Variants in NECAB1 observed in about 807,000 individuals in gnomAD.
NECAB1 encodes the protein N-terminal EF-hand calcium binding protein 1.
NECAB1 carries 29 observed loss-of-function variants against 57.5 expected under a neutral mutation model. The ratio of observed to expected loss-of-function variants is 0.50; its 90% confidence interval spans 0.38 to 0.69. The LOEUF is 0.69. Among genes scored for constraint, NECAB1 ranks in the 30% least tolerant of loss-of-function variants. The probability of loss-of-function intolerance (pLI) is 0.00; values close to 1 mark genes in which losing one functional copy is unlikely to be tolerated. For synonymous variants in NECAB1, 142 were observed against 147.7 expected (o/e 0.96, Z 0.28); for missense variants, 372 against 413.8 (o/e 0.90, Z 0.88).
rs796070539 is a variant in NECAB1 at position 90,930,566 on chromosome 8, G to GA, written c.693+2267_693+2268insA. On this transcript the variant is annotated intron_variant, in intron 8 of 12. Transcript: ENST00000417640. ...ACAAAGATGAACCCTCATGTCGTGA[G>GA]GATGGGTAAGGTCTCTGAAAAGGAG... Among the ~76,000 whole-genome samples the GA allele has an allele frequency of 2.0e-5, 3 of 152,168 alleles. No individual in the cohort carries two copies. The South Asian group carries it at 6.2e-4, about 32-fold the overall frequency.
intron 3 of NECAB1, among the ~76,000 whole-genome samples, chr8:90,849,333 G>A (rs2129770307): frequency 6.6e-6 from 1 of 151,918 alleles, no homozygotes; most frequent in African/African-American, 2.4e-5. Context: ...GGTGAGTGCG[G>A]CAATGGGTGC....
chr8:90,819,555 G>A (rs1487150430), intron 2 of NECAB1, among the ~76,000 whole-genome samples: 1 of 151,882 alleles, frequency 6.6e-6, no homozygotes, highest in Non-Finnish European at 1.5e-5. Context: ...GTTTCCCTAA[G>A]TATTCCCCCT....
intron 5 of NECAB1, among the ~76,000 whole-genome samples, chr8:90,882,584 G>C (rs4735428): frequency 0.49 from 74,532 of 151,894 alleles, 23,093 homozygotes; most frequent in African/African-American, 0.85. Context: ...CTAGCTTCTT[G>C]TTGCTCTTCA....
intron 3 of NECAB1, among the ~76,000 whole-genome samples, chr8:90,866,208 GA>G: frequency 6.6e-6 from 1 of 152,268 alleles, no homozygotes; most frequent in South Asian, 2.1e-4. Context: ...TTATCTTTAT[GA>G]ATTGAGAGAT....
chr8:90,929,464 A>G (rs1404302599), intron 8 of NECAB1, among the ~76,000 whole-genome samples: 1 of 152,188 alleles, frequency 6.6e-6, no homozygotes, highest in Non-Finnish European at 1.5e-5. Flanking sequence ...AGATAACCCT[A>G]CAGATCTAAA....
intron 5 of NECAB1, among the ~76,000 whole-genome samples, chr8:90,902,495 AC>A (rs1157032067): frequency 2.0e-5 from 3 of 152,200 alleles, no homozygotes; most frequent in Admixed American, 6.5e-5. Context: ...CGTTGTACTT[AC>A]TAATGCAAAG....
At chr8:90,880,818 A>C (rs1207951398) in intron 4 of NECAB1, among the ~76,000 whole-genome samples, 1 of 152,182 alleles carries the variant, frequency 6.6e-6, no homozygotes, top group African/African-American at 2.4e-5. Flanking sequence ...TTCAAGGATA[A>C]TGGTAATCAT....
Position 90,901,903 on chromosome 8 carries a change from G to T in NECAB1, c.358-15589G>T, listed in dbSNP as rs184634474. ...CCTCGTTTGCACTCTCTGTATTTGT[G>T]TGTGTGTGTGTGTGTGTGTTAATGT... On this transcript the variant is annotated intron_variant, in intron 5 of 12. Transcript: ENST00000417640. Among the ~76,000 whole-genome samples the T allele has an allele frequency of 8.9e-3, 1,349 of 152,086 alleles. 11 individuals are homozygous for T. Among genetic ancestry groups the T allele is most frequent in the Middle Eastern group, 0.017 (5 of 294 alleles).
At position 90,958,980 on chromosome 8, in the gene NECAB1, A is replaced by C; in HGVS notation, c.*3468A>C. 2 of 1,389,984 alleles carry C rather than the reference A, an allele frequency of 1.4e-6. No individual in the cohort carries two copies. The highest frequency in any genetic ancestry group is 1.9e-6 in the Non-Finnish European group (2 of 1,032,848). 86.1% of individuals were successfully genotyped at this position (1,389,984 alleles called of 1,614,324 possible). A position where few individuals can be genotyped will look rare whatever the true frequency, so the allele number is the denominator to read the frequency against. ...GATCCACCTCATTTGCAGATGTCCA[A>C]ACTTAAATTCATCTGTTCTTAAAAT... On this transcript the variant is annotated 3_prime_UTR_variant, in exon 13 of 13. Transcript: ENST00000417640.
At chr8:90,817,787 T>C (rs1003459905) in intron 2 of NECAB1, among the ~76,000 whole-genome samples, 3 of 151,898 alleles carry the variant, frequency 2.0e-5, no homozygotes, top group African/African-American at 4.8e-5. Context: ...GTAATGTTTT[T>C]ATTTGGTTTT....
chr8:90,921,662 G>A (rs1490130931), intron 6 of NECAB1, among the ~76,000 whole-genome samples: 3 of 149,784 alleles, frequency 2.0e-5, no homozygotes, highest in East Asian at 2.0e-4. Context: ...CAACAAAAGC[G>A]AAACTCCATC....
chr8:90,927,826 A>T (rs985950771), intron 7 of NECAB1, among the ~76,000 whole-genome samples: 1 of 138,632 alleles, frequency 7.2e-6, no homozygotes, highest in Admixed American at 7.0e-5. Flanking sequence ...TATCGTAGCA[A>T]TTTACACCTT....
chr8:90,858,631 A>G (rs1003222303), intron 3 of NECAB1, among the ~76,000 whole-genome samples: 1 of 152,116 alleles, frequency 6.6e-6, no homozygotes, highest in Non-Finnish European at 1.5e-5. Flanking sequence ...GAAGAAAAAA[A>G]AAAAACAGCA....
At chr8:90,950,815 A>G (rs996418939) in intron 11 of NECAB1, among the ~76,000 whole-genome samples, 2 of 152,168 alleles carry the variant, frequency 1.3e-5, no homozygotes, top group African/African-American at 4.8e-5. Context: ...CTTATTATCT[A>G]TCTTGTTTTT....
intron 2 of NECAB1, among the ~76,000 whole-genome samples, chr8:90,810,580 G>A (rs1036760595): frequency 6.6e-6 from 1 of 152,256 alleles, no homozygotes; most frequent in South Asian, 2.1e-4. Context: ...AAGTCCCAAG[G>A]ATGTTGTTTA....
At chr8:90,846,856 A>G (rs1335613216) in intron 3 of NECAB1, among the ~76,000 whole-genome samples, 1 of 152,174 alleles carries the variant, frequency 6.6e-6, no homozygotes. Flanking sequence ...CAATGATTCA[A>G]TTACCTCCCA....
At chr8:90,813,085 G>A (rs1017499419) in intron 2 of NECAB1, 1 of 152,224 alleles carries the variant, frequency 6.6e-6, no homozygotes, top group African/African-American at 2.4e-5. Flanking sequence ...CTACTCGGGA[G>A]GCTGAGGCAG....
chr8:90,803,356 C>T (rs1026815994), intron 2 of NECAB1, among the ~76,000 whole-genome samples: 4 of 152,126 alleles, frequency 2.6e-5, no homozygotes, highest in Non-Finnish European at 5.9e-5. Flanking sequence ...TAATAGCAGT[C>T]TCCAGCTCAG....
At chr8:90,896,915 T>A (rs1225092539) in intron 5 of NECAB1, among the ~76,000 whole-genome samples, 3 of 152,110 alleles carry the variant, frequency 2.0e-5, no homozygotes, top group Admixed American at 2.0e-4. Context: ...TTAGAATTAG[T>A]TTAGCCTGTG....
Sources: allele counts gnomAD v4.1 joint callset (sites outside exome capture counted in the v4.1 genomes callset), GRCh38; gene constraint gnomAD v4.1.1; transcripts MANE v1.5; gene names NCBI Gene and HGNC (gene_info 2026-07-23, HGNC 2026-07-21).